Variants in VPS53 observed in about 807,000 individuals in gnomAD.
The protein encoded by VPS53 is VPS53 subunit of GARP complex.
VPS53 carries 70 observed loss-of-function variants against 107.0 expected under a neutral mutation model. The ratio of observed to expected loss-of-function variants is 0.65; its 90% CI spans 0.54 to 0.80. The LOEUF (loss-of-function observed/expected upper bound fraction) is 0.80, where lower values mean the gene tolerates loss of function less well. Among genes scored for constraint, VPS53 ranks in the 30% least tolerant of loss-of-function variants. The pLI is 0.00. For missense variants in VPS53, 917 were observed against 1,049.4 expected (o/e 0.87, Z 1.74); for synonymous variants, 409 against 393.3 (o/e 1.04, Z -0.47).
At chr17:691,552 T>C (rs1972775271) in intron 4 of VPS53, among the ~76,000 whole-genome samples, 1 of 152,232 alleles carries the variant, frequency 6.6e-6, no homozygotes. Context: ...TCTGAGGTTT[T>C]AGCCACCTGT....
At chr17:572,497 G>A (rs1914254334) in intron 13 of VPS53, among the ~76,000 whole-genome samples, 1 of 151,122 alleles carries the variant, frequency 6.6e-6, no homozygotes, top group Non-Finnish European at 1.5e-5. Context: ...GGGAAGTGAG[G>A]AGCCCCTCTG....
At chr17:631,128 A>C (rs1362846205) in intron 8 of VPS53, among the ~76,000 whole-genome samples, 1 of 152,056 alleles carries the variant, frequency 6.6e-6, no homozygotes, top group Non-Finnish European at 1.5e-5. Context: ...GAGGCTCCTC[A>C]CTATATCACT....
chr17:647,545 G>A (rs1364553091), intron 7 of VPS53, among the ~76,000 whole-genome samples: 1 of 152,182 alleles, frequency 6.6e-6, no homozygotes, highest in African/African-American at 2.4e-5. Context: ...CCCATCCGCT[G>A]ACAGCAAATC....
intron 13 of VPS53, among the ~76,000 whole-genome samples, chr17:583,712 G>A (rs1049164194): frequency 1.3e-5 from 2 of 149,018 alleles, no homozygotes; most frequent in African/African-American, 5.0e-5. Flanking sequence ...AACCAAATGC[G>A]TTCCCAGAGA....
chr17:519,843 T>C lies in VPS53; in HGVS notation c.2311A>G (p.Lys771Glu). 6.4e-7 allele frequency: 1 copy of C among 1,551,462 alleles called. No individual in the cohort carries two copies. The highest frequency in any genetic ancestry group is 8.7e-7 in the Non-Finnish European group (1 of 1,146,758). The change falls in exon 21 of 22, where the codon AAG (lysine) becomes GAG (glutamate). Residue 771 changes from lysine to glutamate, a missense_variant. Physicochemically the swap from Lys to Glu is moderately conservative, Grantham distance 56. Coordinates refer to ENST00000437048, the MANE Select transcript of VPS53 (RefSeq NM_001128159.3). This position sits in a 1 kb window ranked among gnomAD's most constrained non-coding sequence, Gnocchi z 5.0. ...LTDCNTETFQ[K>E]ILDMKGLKRS... ...GCACAAACCTTCATGTCCAGTATCT[T>C]CTGAAAGGTTTCTGTGTTGCAGTCT...
intron 2 of VPS53, among the ~76,000 whole-genome samples, chr17:706,486 G>A (rs561587355): frequency 4.7e-4 from 71 of 151,274 alleles, no homozygotes; most frequent in African/African-American, 1.7e-3. Context: ...GCAGTGAGCC[G>A]GGATTGTGCT....
intron 15 of VPS53, among the ~76,000 whole-genome samples, chr17:557,416 A>G (rs1912540981): frequency 6.6e-6 from 1 of 152,198 alleles, no homozygotes; most frequent in African/African-American, 2.4e-5. Flanking sequence ...AGATAAAGTC[A>G]CATTTACATG....
chr17:540,029 C>T (rs182344284), intron 17 of VPS53, among the ~76,000 whole-genome samples: 317 of 152,142 alleles, frequency 2.1e-3, no homozygotes, highest in African/African-American at 7.2e-3. Flanking sequence ...AAAGCCCAAA[C>T]CCCACAACAA....
intron 13 of VPS53, among the ~76,000 whole-genome samples, chr17:572,450 G>GGGA (rs1914245472): frequency 6.8e-6 from 1 of 148,022 alleles, no homozygotes; most frequent in African/African-American, 2.5e-5. Context: ...CGCCCCATCC[G>GGGA]GGAGGTGAGG....
intron 4 of VPS53, among the ~76,000 whole-genome samples, chr17:691,419 C>A (rs541104129): frequency 6.6e-6 from 1 of 152,168 alleles, no homozygotes; most frequent in African/African-American, 2.4e-5. Context: ...GATAATGAAA[C>A]GTCAGAGATG....
intron 4 of VPS53, chr17:674,695 T>C (rs1297863934): frequency 6.6e-6 from 1 of 152,258 alleles, no homozygotes; most frequent in African/African-American, 2.4e-5. Flanking sequence ...TCCTTATGAA[T>C]CAGCCTTCCA....
At chr17:546,076 C>T (rs899112549) in intron 17 of VPS53, among the ~76,000 whole-genome samples, 100 of 152,148 alleles carry the variant, frequency 6.6e-4, no homozygotes, top group Non-Finnish European at 1.3e-4. Flanking sequence ...TGATTTTTTA[C>T]GAGGGTATCA....
In VPS53 at chr17:714,757, C is replaced by T. The variant is rs997448352; in HGVS notation, c.-48G>A. 5.6e-6 allele frequency: 9 copies of T among 1,603,104 alleles called. No individual in the cohort carries two copies. The highest frequency in any genetic ancestry group is 7.7e-6 in the Non-Finnish European group (9 of 1,171,186). On this transcript the variant is annotated 5_prime_UTR_variant, in exon 1 of 22. Transcript: ENST00000437048. ...ACCCCCGCCGCGAGCCCAACTCAGG[C>T]CTCCAGCCGCCACCCAGGCCCCAGC...
At chr17:711,154 G>A (rs1973629061) in intron 1 of VPS53, among the ~76,000 whole-genome samples, 1 of 152,146 alleles carries the variant, frequency 6.6e-6, no homozygotes, top group South Asian at 2.1e-4. Flanking sequence ...AGGTTGCAGT[G>A]AGCCGAGATT....
intron 13 of VPS53, among the ~76,000 whole-genome samples, chr17:570,590 A>T (rs1913947584): frequency 6.6e-6 from 1 of 152,152 alleles, no homozygotes; most frequent in South Asian, 2.1e-4. Flanking sequence ...ACAAAGAAAG[A>T]CTCAATTAGT....
At chr17:653,694 G>A (rs1039742808) in intron 6 of VPS53, among the ~76,000 whole-genome samples, 8 of 152,214 alleles carry the variant, frequency 5.3e-5, no homozygotes, top group East Asian at 1.9e-4. Context: ...TATGTGCTAC[G>A]GCAGGAAGAA....
chr17:661,384 G>A (rs1291479878), intron 5 of VPS53, among the ~76,000 whole-genome samples: 1 of 151,738 alleles, frequency 6.6e-6, no homozygotes. Context: ...AGCCGGGCGT[G>A]GTGGCAGGCG....
intron 8 of VPS53, among the ~76,000 whole-genome samples, chr17:629,711 C>T (rs1021249707): frequency 2.0e-5 from 3 of 150,670 alleles, no homozygotes; most frequent in Non-Finnish European, 4.4e-5. Flanking sequence ...TGCAGTGAGC[C>T]GAGATCGCAC....
At position 560,481 on chromosome 17, in the gene VPS53, C is replaced by G; in HGVS notation, c.1649G>C (p.Cys550Ser). 1 of 1,613,210 alleles carries G rather than the reference C, an allele frequency of 6.2e-7. No individual in the cohort carries two copies. Among genetic ancestry groups the G allele is most frequent in the East Asian group, 2.2e-5 (1 of 44,884 alleles). ...CGTGCTCAGGATGTTACAGATGAGGCAGAGCTCCTCCAGAGTGAACTTGGC... is the reference window on the plus strand; with the variant it reads ...CGTGCTCAGGATGTTACAGATGAGGGAGAGCTCCTCCAGAGTGAACTTGGC... ...EVAKFTLEEL[C>S]LICNILSTAE... The change falls in exon 15 of 22, where the codon TGC becomes TCC. Residue 550 changes from cysteine to serine, a missense_variant. Cys to Ser is a moderately radical substitution (Grantham distance 112, BLOSUM62 -1). Transcript: ENST00000437048.
Sources: gnomAD v4.1 joint callset for allele counts (sites outside exome capture counted in the v4.1 genomes callset) on GRCh38, gnomAD v4.1.1 for gene constraint, Gnocchi (gnomAD v3.1) non-coding constraint, MANE v1.5 for transcripts, NCBI Gene and HGNC (gene_info 2026-07-23, HGNC 2026-07-21) for gene names.